FAR2: variants seen among roughly 807,000 people sequenced by gnomAD.
FAR2 encodes the protein fatty acyl-CoA reductase 2, also known as epididymis secretory protein Li 81.
Under a neutral mutation model 56.0 loss-of-function variants are expected in FAR2, and 19 were observed. The observed-to-expected ratio is 0.34, with a 90% CI of 0.24 to 0.50. The LOEUF (loss-of-function observed/expected upper bound fraction) is 0.50. FAR2 is among the 20% of genes least tolerant of loss of function. The probability of loss-of-function intolerance (pLI) is 0.98; values close to 1 mark genes in which losing one functional copy is unlikely to be tolerated. For missense variants in FAR2, 508 were observed against 642.2 expected, an observed-to-expected ratio of 0.79 and a Z score of 2.26; for synonymous variants, 219 against 218.8, an observed-to-expected ratio of 1.00 and a Z score of -0.01.
chr12:29,285,917 A>G (rs2036404293), intron 2 of FAR2, among the ~76,000 whole-genome samples: 1 of 152,100 alleles, frequency 6.6e-6, no homozygotes, highest in Admixed American at 6.6e-5. Flanking sequence ...CAGTCTTAAA[A>G]AAAGCTTCAA....
chr12:29,218,358 CA>C (rs11382590), intron 1 of FAR2, among the ~76,000 whole-genome samples: 43 of 138,420 alleles, frequency 3.1e-4, no homozygotes, highest in Non-Finnish European at 2.8e-4. Context: ...GACTCCGTCT[CA>C]AAAAAAAAAA....
intron 1 of FAR2, among the ~76,000 whole-genome samples, chr12:29,233,407 C>T (rs1047234879): frequency 6.6e-6 from 1 of 152,166 alleles, no homozygotes; most frequent in East Asian, 1.9e-4. Flanking sequence ...TCCTCAAGCC[C>T]TCTAACCCAC....
chr12:29,264,722 A>T (rs1948484563), intron 1 of FAR2, among the ~76,000 whole-genome samples: 1 of 152,000 alleles, frequency 6.6e-6, no homozygotes, highest in African/African-American at 2.4e-5. Flanking sequence ...TAAATTGGAA[A>T]GGAAGAAGTT....
chr12:29,244,528 A>G (rs1016720607), intron 1 of FAR2, among the ~76,000 whole-genome samples: 1 of 152,182 alleles, frequency 6.6e-6, no homozygotes, highest in Non-Finnish European at 1.5e-5. Context: ...ATTTCAGAGA[A>G]AAGAGACCCG....
At chr12:29,216,386 G>A (rs1482999236) in intron 1 of FAR2, among the ~76,000 whole-genome samples, 1 of 152,104 alleles carries the variant, frequency 6.6e-6, no homozygotes, top group East Asian at 1.9e-4. Context: ...TGTCCTTTAG[G>A]GCTTTGGTCA....
At chr12:29,290,948 C>A (rs1948955168) in intron 2 of FAR2, among the ~76,000 whole-genome samples, 2 of 151,986 alleles carry the variant, frequency 1.3e-5, no homozygotes, top group Non-Finnish European at 2.9e-5. Flanking sequence ...AATAGGGTGA[C>A]TATAGTCAAT....
At chr12:29,181,084 T>C (rs888624317) in intron 1 of FAR2, among the ~76,000 whole-genome samples, 1 of 152,152 alleles carries the variant, frequency 6.6e-6, no homozygotes, top group Non-Finnish European at 1.5e-5. Flanking sequence ...GAATTGCATG[T>C]TTTTCTACTT....
rs145186943 is a variant in FAR2 at position 29,288,836 on chromosome 12, A to G, written c.190-4464A>G. 6.1e-3 allele frequency among the ~76,000 whole-genome samples: 935 copies of G among 152,338 alleles called. 4 individuals are homozygous for G. Among genetic ancestry groups the G allele is most frequent in the Middle Eastern group, 0.027 (8 of 294 alleles). ...TTACAGGAATTAATTTTAATTCAAT[A>G]AGCAAAATTTGAGTCTTTTCAATGA... On this transcript the variant is annotated intron_variant, in intron 2 of 11. Coordinates refer to ENST00000536681, the MANE Select transcript of FAR2 (RefSeq NM_001271783.2).
intron 2 of FAR2, chr12:29,277,926 T>G (rs1195720143): frequency 8.6e-6 from 1 of 116,654 alleles, no homozygotes; most frequent in African/African-American, 3.2e-5. Flanking sequence ...TGTACATATT[T>G]TCTTTCTTTT....
Position 29,149,585 on chromosome 12 carries a change from A to G in FAR2, c.-39+178A>G, listed in dbSNP as rs561159948. On this transcript the variant is annotated intron_variant, in intron 1 of 11. Transcript: ENST00000536681. ...GGTGGGAGGAGAGAAGCATTTGCGG[A>G]GGCTCTGCCCCCTGAAGCTGCCCCC... 3.9e-5 allele frequency among the ~76,000 whole-genome samples: 6 copies of G among 152,256 alleles called. No homozygotes were observed. The East Asian group carries it at 1.2e-3, about 29-fold the overall frequency.
chr12:29,306,845 A>C (rs1262231654), intron 4 of FAR2, among the ~76,000 whole-genome samples: 1 of 152,206 alleles, frequency 6.6e-6, no homozygotes, highest in African/African-American at 2.4e-5. Context: ...TCAGAGCACT[A>C]TAATCACCCC....
intron 2 of FAR2, among the ~76,000 whole-genome samples, chr12:29,276,574 C>T (rs1197548138): frequency 2.6e-5 from 4 of 152,146 alleles, no homozygotes; most frequent in Non-Finnish European, 5.9e-5. Flanking sequence ...TGCTGCGTAT[C>T]CCAAAACTGA....
chr12:29,291,505 G>A (rs1419424402), intron 2 of FAR2: 4 of 453,046 alleles, frequency 8.8e-6, no homozygotes, highest in Non-Finnish European at 1.8e-5. Context: ...GTCCGTGTTT[G>A]CACTCTAAAT....
chr12:29,204,019 A>AAAAAG (rs1555108284), intron 1 of FAR2, among the ~76,000 whole-genome samples: 3,374 of 122,182 alleles, frequency 0.028, 106 homozygotes, highest in East Asian at 0.043. Context: ...AAAAAAAAAA[A>AAAAAG]AAAAGAAAAT....
At chr12:29,212,556 T>C (rs1947563495) in intron 1 of FAR2, among the ~76,000 whole-genome samples, 1 of 152,224 alleles carries the variant, frequency 6.6e-6, no homozygotes, top group Non-Finnish European at 1.5e-5. Context: ...ATTCCATATA[T>C]AGATGACCCC....
At chr12:29,247,445 A>G (rs982708257) in intron 1 of FAR2, among the ~76,000 whole-genome samples, 2 of 152,152 alleles carry the variant, frequency 1.3e-5, no homozygotes, top group Non-Finnish European at 2.9e-5. Context: ...AATTTGTGCA[A>G]TGATGTTGTA....
chr12:29,243,902 G>T (rs114043807), intron 1 of FAR2, among the ~76,000 whole-genome samples: 1 of 152,088 alleles, frequency 6.6e-6, no homozygotes, highest in Non-Finnish European at 1.5e-5. Context: ...TAAAAGATGA[G>T]AGACAAAGCA....
chr12:29,158,171 AAATAATAATAAG>A (rs1949747795), intron 1 of FAR2, among the ~76,000 whole-genome samples: 1 of 152,234 alleles, frequency 6.6e-6, no homozygotes, highest in South Asian at 2.1e-4. Context: ...TGATGTCAGT[AAATAATAATAAG>A]TAAAAAAACC....
intron 8 of FAR2, 40 bp downstream of exon 8, chr12:29,311,990 C>A: frequency 1.4e-6 from 2 of 1,455,068 alleles, no homozygotes; most frequent in Non-Finnish European, 1.9e-6. Context: ...TTACTAGTGT[C>A]TGGCACAGAG....
Sources: gnomAD v4.1 joint callset for allele counts (sites outside exome capture counted in the v4.1 genomes callset) on GRCh38, gnomAD v4.1.1 for gene constraint, MANE v1.5 for transcripts, NCBI Gene and HGNC (gene_info 2026-07-23, HGNC 2026-07-21) for gene names.